The following TFDP2 variants were observed in gnomAD, a reference collection of about 807,000 sequenced individuals.
TFDP2 encodes transcription factor Dp-2.
In TFDP2, 17 loss-of-function variants were observed where a neutral mutation model predicts 59.3. That is an observed-to-expected ratio of 0.29 (90% confidence interval 0.20 to 0.43). The LOEUF (loss-of-function observed/expected upper bound fraction) is 0.43. Among genes scored for constraint, TFDP2 ranks in the 20% least tolerant of loss-of-function variants. The probability of loss-of-function intolerance (pLI) is 1.00; values close to 1 mark genes in which losing one functional copy is unlikely to be tolerated. For synonymous variants in TFDP2, 180 were observed against 194.7 expected (o/e 0.92, Z 0.63); for missense variants, 391 against 528.8 (o/e 0.74, Z 2.56).
chr3:142,149,442 G>A lies in TFDP2; in HGVS notation c.-352C>T, dbSNP rs947945440. On this transcript the variant is annotated 5_prime_UTR_variant, in exon 1 of 13. Transcript: ENST00000489671. ...CCCCGCGGGCCGGGCAGCTGCGGCA[G>A]CGCCGCAGCCGAGATCGCTACCGAT... 30 of 380,164 alleles carry A rather than the reference G, an allele frequency of 7.9e-5. No homozygotes were observed. Among genetic ancestry groups the A allele is most frequent in the Non-Finnish European group, 1.4e-4 (29 of 214,632 alleles). The allele number at this position is 380,164 out of a possible 1,614,324, so 23.5% of individuals were successfully genotyped here. A position where few individuals can be genotyped will look rare whatever the true frequency, so the allele number is the denominator to read the frequency against.
At chr3:142,017,866 T>A (rs2108334320) in intron 3 of TFDP2, among the ~76,000 whole-genome samples, 1 of 152,054 alleles carries the variant, frequency 6.6e-6, no homozygotes, top group South Asian at 2.1e-4. Flanking sequence ...TATCCTTCTA[T>A]CAGTCTGAGC....
intron 3 of TFDP2, among the ~76,000 whole-genome samples, chr3:142,063,680 A>T (rs1205267311): frequency 1.3e-5 from 2 of 152,216 alleles, no homozygotes; most frequent in African/African-American, 4.8e-5. Context: ...AAAGCAACAA[A>T]ATGAATAACT....
chr3:141,956,378 C>G (rs1481869514), intron 11 of TFDP2, among the ~76,000 whole-genome samples: 1 of 151,948 alleles, frequency 6.6e-6, no homozygotes, highest in African/African-American at 2.4e-5. Context: ...GTGGTGAAAC[C>G]CTGTCTCTAC....
chr3:142,115,687 A>C (rs1429003164), intron 1 of TFDP2, among the ~76,000 whole-genome samples: 1 of 152,066 alleles, frequency 6.6e-6, no homozygotes. Flanking sequence ...AGTCTTTTTA[A>C]ATTTTAGTCT....
chr3:141,953,346 C>A (rs1936154885), intron 11 of TFDP2, among the ~76,000 whole-genome samples: 2 of 152,176 alleles, frequency 1.3e-5, no homozygotes, highest in African/African-American at 4.8e-5. Context: ...AGTGTACCAC[C>A]CTCAATGCCT....
intron 1 of TFDP2, among the ~76,000 whole-genome samples, chr3:142,107,625 C>T (rs968608349): frequency 2.0e-5 from 3 of 152,090 alleles, no homozygotes; most frequent in Admixed American, 6.6e-5. Flanking sequence ...ACATGTATAT[C>T]ATATCATTCG....
intron 1 of TFDP2, among the ~76,000 whole-genome samples, chr3:142,125,187 C>A (rs910525494): frequency 3.3e-5 from 5 of 152,110 alleles, no homozygotes; most frequent in African/African-American, 1.2e-4. Context: ...GCCTGGGTGA[C>A]AAAGTGAAGC....
chr3:142,073,731 T>C (rs895323097), intron 3 of TFDP2, among the ~76,000 whole-genome samples: 1 of 152,180 alleles, frequency 6.6e-6, no homozygotes, highest in Non-Finnish European at 1.5e-5. Context: ...CTTTTGAAAG[T>C]AGGTTTTAGT....
intron 1 of TFDP2, among the ~76,000 whole-genome samples, chr3:142,103,123 G>T (rs1426430561): frequency 6.6e-6 from 1 of 151,854 alleles, no homozygotes; most frequent in East Asian, 1.9e-4. Flanking sequence ...CTGTAGTCCT[G>T]GCTACTTGGG....
In TFDP2 at chr3:142,058,843, T is replaced by C. The variant is rs145611397; in HGVS notation, c.82+34218A>G. Among the ~76,000 whole-genome samples, 12 of 152,270 alleles carry C rather than the reference T, an allele frequency of 7.9e-5. No individual in the cohort carries two copies. The East Asian group carries it at 2.3e-3, about 29-fold the overall frequency. On this transcript the variant is annotated intron_variant, in intron 3 of 12. Coordinates refer to ENST00000489671, the MANE Select transcript of TFDP2 (RefSeq NM_001178139.2). ...GGTTTCCTTATGTAAGCATGATTGA[T>C]TAAATCATGGCCATTGGTAATCATC...
chr3:141,959,880 G>C (rs760895133), intron 10 of TFDP2, 40 bp from the exon 11 acceptor site: 95 of 1,603,410 alleles, frequency 5.9e-5, no homozygotes, highest in Non-Finnish European at 7.9e-5. Context: ...TGGTGGTGCT[G>C]GAGAGGTCTG....
intron 1 of TFDP2, among the ~76,000 whole-genome samples, chr3:142,148,369 T>C (rs1300310416): frequency 6.6e-6 from 1 of 151,984 alleles, no homozygotes; most frequent in East Asian, 1.9e-4. Context: ...AAAAGGGAAA[T>C]AATATAGGGT....
chr3:141,978,679 T>C lies in TFDP2; in HGVS notation c.360A>G (p.Lys120=). ...CATTTTTATCTCCTTTTTTGCTTCG[T>C]TTACTAGAAGGGAAAAAAGTTTTTT... ...KFIDSDFSES[K]RSKKGDKNGK... Residue 120 remains lysine (K), a synonymous_variant, in exon 7 of 13, where the codon AAA becomes AAG. Transcript: ENST00000489671. The C allele has an allele frequency of 6.2e-7, 1 of 1,601,878 alleles. No homozygotes were observed. Among genetic ancestry groups the C allele is most frequent in the Non-Finnish European group, 8.5e-7 (1 of 1,176,950 alleles).
chr3:141,952,889 T>C (rs752442537), intron 12 of TFDP2, 22 bp downstream of exon 12: 37 of 1,608,266 alleles, frequency 2.3e-5, no homozygotes, highest in Admixed American at 1.0e-4. Context: ...TTTGCCTTTC[T>C]AACCCTGAAA....
intron 6 of TFDP2, among the ~76,000 whole-genome samples, chr3:141,988,002 AG>A (rs1413091331): frequency 6.6e-6 from 1 of 151,170 alleles, no homozygotes; most frequent in Non-Finnish European, 1.5e-5. Context: ...GCTGGAGTGC[AG>A]GGGCCTGATC....
At chr3:141,955,033 G>A (rs1936420637) in intron 11 of TFDP2, among the ~76,000 whole-genome samples, 1 of 147,236 alleles carries the variant, frequency 6.8e-6, no homozygotes, top group Non-Finnish European at 1.5e-5. Context: ...ATTAAATAAC[G>A]ACAAGTCTGT....
chr3:142,108,270 C>T (rs946185861), intron 1 of TFDP2, among the ~76,000 whole-genome samples: 3 of 151,538 alleles, frequency 2.0e-5, no homozygotes, highest in Non-Finnish European at 4.4e-5. Flanking sequence ...ACTGCAGTGG[C>T]GTGATCTTGG....
chr3:142,046,525 T>C (rs1393305554), intron 3 of TFDP2, among the ~76,000 whole-genome samples: 1 of 152,090 alleles, frequency 6.6e-6, no homozygotes, highest in Non-Finnish European at 1.5e-5. Context: ...GAGGTAATGA[T>C]AAGAGAGATG....
chr3:142,113,905 C>T lies in TFDP2; in HGVS notation c.-92-12064G>A, dbSNP rs550819984. On this transcript the variant is annotated intron_variant, in intron 1 of 12. Coordinates refer to ENST00000489671, the MANE Select transcript of TFDP2 (RefSeq NM_001178139.2). The stretch of plus-strand genomic sequence containing the variant: ...TAGGGCCGGGCGGGGTGGCTCACGC[C>T]TGTAATCCCAGCACTTTCGGAGGCC... Among the ~76,000 whole-genome samples the T allele has an allele frequency of 4.6e-5, 7 of 152,292 alleles. No individual in the cohort carries two copies. The South Asian group carries it at 1.5e-3, about 32-fold the overall frequency.
Sources: gnomAD v4.1 joint callset for allele counts (sites outside exome capture counted in the v4.1 genomes callset) on GRCh38, gnomAD v4.1.1 for gene constraint, MANE v1.5 for transcripts, NCBI Gene and HGNC (gene_info 2026-07-23, HGNC 2026-07-21) for gene names.